STK24: variants seen among roughly 807,000 people sequenced by gnomAD.
The protein encoded by STK24 is serine/threonine kinase 24.
A neutral mutation model predicts 55.6 loss-of-function variants in STK24; 21 were observed. The ratio of observed to expected loss-of-function variants is 0.38; its 90% confidence interval spans 0.27 to 0.54. STK24 has a LOEUF of 0.54. Ranked by LOEUF, STK24 falls within the 20% of genes least tolerant of loss-of-function variation. The probability of loss-of-function intolerance (pLI) is 0.79; values close to 1 mark genes in which losing one functional copy is unlikely to be tolerated. For missense variants in STK24, 383 were observed against 538.4 expected (o/e 0.71, Z 2.86); for synonymous variants, 200 against 215.2 (o/e 0.93, Z 0.62).
At position 98,500,653 on chromosome 13, in the gene STK24, G is replaced by A. The variant is rs993100294; in HGVS notation, c.274-18332C>T. Among the ~76,000 whole-genome samples the A allele has an allele frequency of 2.5e-3, 271 of 107,724 alleles. 3 individuals are homozygous for A. Among genetic ancestry groups the A allele is most frequent in the Non-Finnish European group, 3.9e-4 (22 of 56,894 alleles). 70.7% of individuals were successfully genotyped at this position (107,724 alleles called of 152,430 possible). A position where few individuals can be genotyped will look rare whatever the true frequency, so the allele number is the denominator to read the frequency against. On this transcript the variant is annotated intron_variant, in intron 2 of 10. Coordinates refer to ENST00000539966, the MANE Select transcript of STK24 (RefSeq NM_001032296.4). ...CCACCACTCCCGTGACCATCGGCTC[G>A]CCAGTCAGTCTGAGACCCTTCTGCC...
intron 1 of STK24, among the ~76,000 whole-genome samples, chr13:98,549,847 G>T (rs11069311): frequency 0.26 from 39,186 of 152,026 alleles, 5,969 homozygotes; most frequent in East Asian, 0.41. Context: ...ACCTCCTAAA[G>T]GCCCCACCTC....
chr13:98,459,628 A>G (rs1209290996), intron 9 of STK24, among the ~76,000 whole-genome samples: 4 of 152,212 alleles, frequency 2.6e-5, no homozygotes, highest in Non-Finnish European at 1.5e-5. Flanking sequence ...CCTCCCCTTC[A>G]AGGACCAGGA....
chr13:98,571,893 A>G (rs1219643853), intron 1 of STK24, among the ~76,000 whole-genome samples: 1 of 152,134 alleles, frequency 6.6e-6, no homozygotes, highest in Non-Finnish European at 1.5e-5. Context: ...AAGTGCTGCA[A>G]TGCCTTCTAA....
At chr13:98,561,399 A>G (rs1186296830) in intron 1 of STK24, among the ~76,000 whole-genome samples, 1 of 151,904 alleles carries the variant, frequency 6.6e-6, no homozygotes, top group African/African-American at 2.4e-5. Flanking sequence ...CCTGGCCAAC[A>G]CGGTGAAACT....
In STK24 at chr13:98,489,621, C is replaced by A. The variant is rs61969449; in HGVS notation, c.274-7300G>T. Among the ~76,000 whole-genome samples, 966 of 152,314 alleles carry A rather than the reference C, an allele frequency of 6.3e-3. 6 individuals carry two copies. Among genetic ancestry groups the A allele is most frequent in the Non-Finnish European group, 0.011 (755 of 68,030 alleles). Reference sequence around the variant, plus strand: ...AAGACAGGGAACACCTGGTTGCTCACGAAGGTCCGTCTAACCTCCAGGAGG... The same window carrying A: ...AAGACAGGGAACACCTGGTTGCTCAAGAAGGTCCGTCTAACCTCCAGGAGG... On this transcript the variant is annotated intron_variant, in intron 2 of 10. Coordinates refer to ENST00000539966, the MANE Select transcript of STK24 (RefSeq NM_001032296.4).
At chr13:98,509,913 T>A (rs952703846) in intron 2 of STK24, among the ~76,000 whole-genome samples, 2 of 152,234 alleles carry the variant, frequency 1.3e-5, no homozygotes, top group African/African-American at 4.8e-5. Flanking sequence ...GACTGCCTCC[T>A]GCCCAGGATA....
intron 2 of STK24, among the ~76,000 whole-genome samples, chr13:98,512,304 C>T (rs1028221806): frequency 6.6e-6 from 1 of 152,152 alleles, no homozygotes; most frequent in African/African-American, 2.4e-5. Context: ...AAGGATCTTA[C>T]ATAGGTCGAT....
chr13:98,576,671 G>T, intron 1 of STK24, 74 bp downstream of exon 1: 2 of 1,297,596 alleles, frequency 1.5e-6, no homozygotes, highest in Non-Finnish European at 2.1e-6. Flanking sequence ...GTAGGGGGAC[G>T]CCGTGTGGAT....
chr13:98,456,456 C>T (rs780770246), intron 10 of STK24: 1 of 500,804 alleles, frequency 2.0e-6, no homozygotes, highest in South Asian at 1.5e-5. Context: ...TGACAAATCA[C>T]CCTCAGGTCA....
intron 1 of STK24, among the ~76,000 whole-genome samples, chr13:98,538,717 T>C (rs151249055): frequency 1.3e-5 from 2 of 152,170 alleles, no homozygotes; most frequent in East Asian, 3.9e-4. Flanking sequence ...TACAAAACCA[T>C]GCCTTGTGCT....
intron 2 of STK24, among the ~76,000 whole-genome samples, chr13:98,510,287 C>T (rs1895838542): frequency 6.6e-6 from 1 of 152,198 alleles, no homozygotes; most frequent in Non-Finnish European, 1.5e-5. Flanking sequence ...AAGAAGCATC[C>T]TGTGAAAGGC....
rs991298171 is a variant in STK24, at chr13:98,554,922, C to A, written c.42+21823G>T. Among the ~76,000 whole-genome samples the A allele has an allele frequency of 2.8e-5, 4 of 143,608 alleles. No individual in the cohort carries two copies. The South Asian group carries it at 8.7e-4, about 31-fold the overall frequency. The allele number at this position is 143,608 out of a possible 152,430, so 94.2% of individuals were successfully genotyped here. A position where few individuals can be genotyped will look rare whatever the true frequency, so the allele number is the denominator to read the frequency against. On this transcript the variant is annotated intron_variant, in intron 1 of 10. Transcript: ENST00000539966. ...CTCAGCTACTCAGGAGGCTGAGGCA[C>A]GAGAATCACTTGAACCAGGGAGATG... is the stretch of plus-strand genomic sequence containing the variant.
At chr13:98,458,809 C>T (rs952499003) in intron 9 of STK24, among the ~76,000 whole-genome samples, 6 of 152,176 alleles carry the variant, frequency 3.9e-5, no homozygotes, top group Non-Finnish European at 5.9e-5. Context: ...AAAGCAGGGA[C>T]GCCAACACCC....
chr13:98,546,834 T>C (rs1276349730), intron 1 of STK24, among the ~76,000 whole-genome samples: 8 of 152,194 alleles, frequency 5.3e-5, no homozygotes, highest in Non-Finnish European at 7.3e-5. Context: ...TGGACTCCAG[T>C]TACTCACACC....
intron 2 of STK24, among the ~76,000 whole-genome samples, chr13:98,492,074 CGCGTGTGT>C (rs1194072599): frequency 1.6e-4 from 10 of 62,214 alleles, no homozygotes; most frequent in African/African-American, 2.2e-4. Flanking sequence ...AAAGTGCGTG[CGCGTGTGT>C]GTGTGTGTGT....
intron 5 of STK24, among the ~76,000 whole-genome samples, 178 bp downstream of exon 5, chr13:98,474,643 T>C (rs1172464736): frequency 6.6e-6 from 1 of 152,116 alleles, no homozygotes; most frequent in Non-Finnish European, 1.5e-5. Context: ...GGGTATTAAA[T>C]GATACAGCAG....
chr13:98,494,129 C>T (rs1183029650), intron 2 of STK24, among the ~76,000 whole-genome samples: 2 of 143,758 alleles, frequency 1.4e-5, no homozygotes, highest in African/African-American at 2.5e-5. Flanking sequence ...AGAAGTGCCT[C>T]GGCCGGGCAC....
At chr13:98,492,100 T>C (rs1403598789) in intron 2 of STK24, among the ~76,000 whole-genome samples, 2 of 151,858 alleles carry the variant, frequency 1.3e-5, no homozygotes, top group Non-Finnish European at 2.9e-5. Context: ...TGTGTGTGTG[T>C]GTGTGTGTGT....
intron 1 of STK24, among the ~76,000 whole-genome samples, chr13:98,548,967 T>C (rs1897097751): frequency 6.8e-6 from 1 of 148,042 alleles, no homozygotes; most frequent in South Asian, 2.1e-4. Flanking sequence ...TAATAACAAA[T>C]AGAGAAGACC....
Sources: gnomAD v4.1 joint callset for allele counts (sites outside exome capture counted in the v4.1 genomes callset) on GRCh38, gnomAD v4.1.1 for gene constraint, MANE v1.5 for transcripts, NCBI Gene and HGNC (gene_info 2026-07-23, HGNC 2026-07-21) for gene names.